VAMP7: variants seen among roughly 807,000 people sequenced by gnomAD.
The protein encoded by VAMP7 is vesicle-associated membrane protein 7.
Under a neutral mutation model 29.6 loss-of-function variants are expected in VAMP7, and 14 were observed. The ratio of observed to expected loss-of-function variants is 0.47; its 90% CI spans 0.31 to 0.74. The LOEUF (loss-of-function observed/expected upper bound fraction) is 0.74. VAMP7 is among the 30% of genes least tolerant of loss of function. VAMP7 has a pLI of 0.05. For missense variants in VAMP7, 223 were observed against 262.4 expected (o/e 0.85, Z 1.04); for synonymous variants, 95 against 88.1 (o/e 1.08, Z -0.44).
intron 5 of VAMP7, among the ~76,000 whole-genome samples, chrX:155,915,005 T>A (rs1279633099): frequency 6.6e-6 from 1 of 152,106 alleles, no homozygotes; most frequent in Non-Finnish European, 1.5e-5. Context: ...ACCTTTTTTG[T>A]TTGGTAGGCT....
chrX:155,934,877 C>T (rs1271750324), intron 6 of VAMP7, among the ~76,000 whole-genome samples: 1 of 89,224 alleles, frequency 1.1e-5, no homozygotes, highest in Non-Finnish European at 2.3e-5. Context: ...CCTTCAGGAG[C>T]TCTTGTAAGG....
chrX:155,921,926 GT>G (rs1459744455), intron 6 of VAMP7, among the ~76,000 whole-genome samples: 1 of 151,854 alleles, frequency 6.6e-6, no homozygotes, highest in African/African-American at 2.4e-5. Context: ...ACAGTATAGA[GT>G]TTTTCGGTCC....
At chrX:155,901,544 T>C (rs1376235458) in intron 5 of VAMP7, among the ~76,000 whole-genome samples, 1 of 152,134 alleles carries the variant, frequency 6.6e-6, no homozygotes, top group Non-Finnish European at 1.5e-5. Flanking sequence ...GAATTAATTT[T>C]TGTATAAGGT....
chrX:155,914,785 C>T lies in VAMP7; in HGVS notation c.434-5028C>T, dbSNP rs755189310. On this transcript the variant is annotated intron_variant, in intron 5 of 7. Coordinates refer to ENST00000286448, the MANE Select transcript of VAMP7 (RefSeq NM_005638.6). ...TTGCCAGTATTTTATTGAGGATTTTCGCATCAGTGTTCATCAGGGATATTG... is the reference window on the plus strand; with the variant it reads ...TTGCCAGTATTTTATTGAGGATTTTTGCATCAGTGTTCATCAGGGATATTG... 1.6e-3 allele frequency among the ~76,000 whole-genome samples: 245 copies of T among 152,118 alleles called. 1 individual carries two copies. The highest frequency in any genetic ancestry group is 3.4e-3 in the Middle Eastern group (1 of 294).
At chrX:155,941,853 A>G (rs768012099) in intron 7 of VAMP7, 30 bp from the exon 8 acceptor site, 4 of 1,606,208 alleles carry the variant, frequency 2.5e-6, no homozygotes, top group African/African-American at 1.3e-5. Flanking sequence ...TTGATTCAAG[A>G]AAATAAAATT....
intron 5 of VAMP7, among the ~76,000 whole-genome samples, chrX:155,901,847 T>G (rs1273133335): frequency 5.3e-5 from 8 of 152,110 alleles, no homozygotes; most frequent in Non-Finnish European, 1.2e-4. Flanking sequence ...ATGGACTTGG[T>G]GATGCGGGCT....
intron 2 of VAMP7, among the ~76,000 whole-genome samples, chrX:155,894,761 G>A (rs1180887425): frequency 2.6e-5 from 4 of 151,740 alleles, no homozygotes; most frequent in Non-Finnish European, 5.9e-5. Context: ...GACTATAGGC[G>A]TGTGCCACCA....
At chrX:155,882,519 C>T (rs2065814751) in intron 1 of VAMP7, among the ~76,000 whole-genome samples, 1 of 152,116 alleles carries the variant, frequency 6.6e-6, no homozygotes, top group Non-Finnish European at 1.5e-5. Context: ...CTCTTCTTTT[C>T]CCCTGTCTAA....
At chrX:155,893,707 C>G (rs924756220) in intron 2 of VAMP7, among the ~76,000 whole-genome samples, 1 of 152,182 alleles carries the variant, frequency 6.6e-6, no homozygotes, top group Non-Finnish European at 1.5e-5. Context: ...CCACTAATCC[C>G]ATCACGAGGA....
At chrX:155,907,774 CAATG>C (rs1199204102) in intron 5 of VAMP7, among the ~76,000 whole-genome samples, 8 of 152,212 alleles carry the variant, frequency 5.3e-5, no homozygotes, top group African/African-American at 1.9e-4. Context: ...GGCCCGTTCT[CAATG>C]AGCTATTGGG....
chrX:155,902,247 A>G (rs1230994625), intron 5 of VAMP7, among the ~76,000 whole-genome samples: 1 of 152,040 alleles, frequency 6.6e-6, no homozygotes, highest in African/African-American at 2.4e-5. Flanking sequence ...GAAGTTGCTT[A>G]TCAGCTTAAG....
At chrX:155,909,234 C>T (rs2066198221) in intron 5 of VAMP7, among the ~76,000 whole-genome samples, 1 of 152,130 alleles carries the variant, frequency 6.6e-6, no homozygotes, top group South Asian at 2.1e-4. Context: ...GGAATTTGTG[C>T]ATTTCATCTA....
At chrX:155,913,535 G>C (rs2066268243) in intron 5 of VAMP7, among the ~76,000 whole-genome samples, 1 of 152,092 alleles carries the variant, frequency 6.6e-6, no homozygotes, top group African/African-American at 2.4e-5. Context: ...AATCCATCTT[G>C]AGTTAATTTT....
chrX:155,942,307 T>C lies in VAMP7; in HGVS notation c.*356T>C, dbSNP rs1163354008. ...ATCTACTAAAACTATGGAGAAACTT[T>C]GTATGTGCACACAAAAGTATTCAAG... On this transcript the variant is annotated 3_prime_UTR_variant, in exon 8 of 8. Coordinates refer to ENST00000286448, the MANE Select transcript of VAMP7 (RefSeq NM_005638.6). 6 of 788,810 alleles carry C rather than the reference T, an allele frequency of 7.6e-6. No individual in the cohort carries two copies. The Admixed American group carries it at 8.9e-5, about 12-fold the overall frequency. The allele number at this position is 788,810 out of a possible 1,614,324, so 48.9% of individuals were successfully genotyped here.
At chrX:155,910,409 A>G (rs993637940) in intron 5 of VAMP7, among the ~76,000 whole-genome samples, 6 of 152,206 alleles carry the variant, frequency 3.9e-5, no homozygotes, top group African/African-American at 7.2e-5. Context: ...TAGGGATGCA[A>G]TAAATATGCA....
chrX:155,924,660 G>T (rs2066444039), intron 6 of VAMP7, among the ~76,000 whole-genome samples: 1 of 152,132 alleles, frequency 6.6e-6, no homozygotes, highest in African/African-American at 2.4e-5. Flanking sequence ...CTGGTGGAGG[G>T]TCTCACCTTG....
chrX:155,936,086 G>A (rs750425056), intron 6 of VAMP7, among the ~76,000 whole-genome samples: 6 of 148,324 alleles, frequency 4.0e-5, no homozygotes, highest in South Asian at 2.2e-4. Context: ...GGTACCCGCC[G>A]TGTGAGGTGT....
intron 7 of VAMP7, 39 bp downstream of exon 7, chrX:155,939,832 A>G: frequency 6.8e-7 from 1 of 1,461,700 alleles, no homozygotes; most frequent in Non-Finnish European, 9.6e-7. Flanking sequence ...TTTATTTTTC[A>G]ATCTCTAAGA....
rs1014382567 is a variant in VAMP7, at chrX:155,933,807, T to G, written c.502-5894T>G. 5.1e-3 allele frequency among the ~76,000 whole-genome samples: 777 copies of G among 152,232 alleles called. 5 individuals are homozygous for G. The highest frequency in any genetic ancestry group is 0.017 in the African/African-American group (720 of 41,526). ...TTGTGATGTTAGGGTGTCAATTTTA[T>G]ATCTTTCCTGCTTCCTTTTGTGGGC... On this transcript the variant is annotated intron_variant, in intron 6 of 7. Coordinates refer to ENST00000286448, the MANE Select transcript of VAMP7 (RefSeq NM_005638.6).
Sources: gnomAD v4.1 joint callset for allele counts (sites outside exome capture counted in the v4.1 genomes callset) on GRCh38, gnomAD v4.1.1 for gene constraint, MANE v1.5 for transcripts, NCBI Gene and HGNC (gene_info 2026-07-23, HGNC 2026-07-21) for gene names.